The following DOCK10 variants were observed in gnomAD, a reference collection of about 807,000 sequenced individuals.
DOCK10 encodes the protein dedicator of cytokinesis protein 10.
DOCK10 carries 145 observed loss-of-function variants against 280.1 expected under a neutral mutation model. The observed-to-expected ratio is 0.52, with a 90% CI of 0.45 to 0.59. The LOEUF (loss-of-function observed/expected upper bound fraction) is 0.59. Ranked by LOEUF, DOCK10 falls within the 20% of genes least tolerant of loss-of-function variation. The probability of loss-of-function intolerance (pLI) is 0.00; values close to 1 mark genes in which losing one functional copy is unlikely to be tolerated. For synonymous variants in DOCK10, 915 were observed against 942.2 expected, an observed-to-expected ratio of 0.97 and a Z score of 0.53; for missense variants, 2,368 against 2,651.7, an observed-to-expected ratio of 0.89 and a Z score of 2.35.
chr2:224,811,037 C>T (rs1339833297), intron 31 of DOCK10, among the ~76,000 whole-genome samples: 6 of 152,076 alleles, frequency 3.9e-5, no homozygotes, highest in African/African-American at 1.4e-4. Context: ...ATTTCTAGTT[C>T]GAGATCCCTG....
At chr2:224,788,751 T>C (rs1481866239) in intron 48 of DOCK10, among the ~76,000 whole-genome samples, 2 of 152,228 alleles carry the variant, frequency 1.3e-5, no homozygotes, top group Admixed American at 6.5e-5. Context: ...CTAATGCTTT[T>C]AGAAAGAAAG....
At chr2:225,003,349 G>A (rs1706489446) in intron 1 of DOCK10, among the ~76,000 whole-genome samples, 1 of 152,138 alleles carries the variant, frequency 6.6e-6, no homozygotes, top group Admixed American at 6.5e-5. Context: ...TGGCTGGAAG[G>A]TTACATTTTT....
chr2:224,818,573 T>A (rs1156409750), intron 29 of DOCK10, among the ~76,000 whole-genome samples: 1 of 152,084 alleles, frequency 6.6e-6, no homozygotes, highest in Admixed American at 6.5e-5. Context: ...AATTTTTTTG[T>A]ATTTTTAGTA....
chr2:224,919,018 C>T (rs749275100), intron 2 of DOCK10, among the ~76,000 whole-genome samples: 86 of 117,222 alleles, frequency 7.3e-4, no homozygotes, highest in African/African-American at 2.5e-3. Flanking sequence ...GATGTATATA[C>T]GCACAGGGTG....
At chr2:225,040,606 T>C (rs1004697527) in intron 1 of DOCK10, among the ~76,000 whole-genome samples, 1 of 151,958 alleles carries the variant, frequency 6.6e-6, no homozygotes, top group African/African-American at 2.4e-5. Context: ...ACAAAAATTC[T>C]AGGAGGATCT....
intron 30 of DOCK10, among the ~76,000 whole-genome samples, chr2:224,815,852 A>G (rs1486427187): frequency 6.6e-6 from 1 of 152,148 alleles, no homozygotes; most frequent in Non-Finnish European, 1.5e-5. Context: ...CCTGGCCAAC[A>G]TGGTGAAACC....
chr2:224,918,602 C>A (rs200332388), intron 2 of DOCK10, among the ~76,000 whole-genome samples: 11 of 132,932 alleles, frequency 8.3e-5, no homozygotes, highest in Non-Finnish European at 1.8e-4. Context: ...GTGTGTGGTG[C>A]GTGTGTATGT....
At chr2:224,971,191 G>A (rs190524119) in intron 1 of DOCK10, among the ~76,000 whole-genome samples, 1 of 152,248 alleles carries the variant, frequency 6.6e-6, no homozygotes, top group East Asian at 1.9e-4. Context: ...CATTTGAGCA[G>A]AATAATGCCA....
chr2:224,854,831 A>G, intron 16 of DOCK10, 132 bp downstream of exon 16: 1 of 612,514 alleles, frequency 1.6e-6, no homozygotes, highest in South Asian at 2.1e-5. Context: ...AAAAAAACCC[A>G]AAACCTTGTA....
At chr2:224,855,663 T>A (rs1359768445) in intron 15 of DOCK10, among the ~76,000 whole-genome samples, 2 of 152,144 alleles carry the variant, frequency 1.3e-5, no homozygotes, top group African/African-American at 4.8e-5. Flanking sequence ...TATTAAAACC[T>A]CTCGCCAATC....
In DOCK10 at chr2:224,808,101, A is replaced by G. The variant is rs1390100136; in HGVS notation, c.3410-15T>C. ...TTCAGGCATATCTTTGTGAGGAAGGAAAATAACTCATGTTATTGAAAATCA... is the reference window on the plus strand; with the variant it reads ...TTCAGGCATATCTTTGTGAGGAAGGGAAATAACTCATGTTATTGAAAATCA... On this transcript the variant is annotated splice_polypyrimidine_tract_variant and intron_variant, in intron 31 of 55. Coordinates refer to ENST00000258390, the MANE Select transcript of DOCK10 (RefSeq NM_014689.3). 1 of 1,602,274 alleles carries G rather than the reference A, an allele frequency of 6.2e-7. No homozygotes were observed. The highest frequency in any genetic ancestry group is 2.2e-5 in the East Asian group (1 of 44,654).
At position 224,834,169 on chromosome 2, in the gene DOCK10, G is replaced by T; in HGVS notation, c.2945C>A (p.Thr982Lys). 1 of 1,609,996 alleles carries T rather than the reference G, an allele frequency of 6.2e-7. No individual in the cohort carries two copies. Among genetic ancestry groups the T allele is most frequent in the Non-Finnish European group, 8.5e-7 (1 of 1,176,300 alleles). Residue 982 changes from threonine to lysine, a missense_variant, in exon 26 of 56, where the codon ACA becomes AAA. Physicochemically the swap from Thr to Lys is moderately conservative, Grantham distance 78. Coordinates refer to ENST00000258390, the MANE Select transcript of DOCK10 (RefSeq NM_014689.3). ...TCTTACCTTTAGGACATGCTTTACT[G>T]TTGTTGAGTCATTTGATTTCAAAAG... ...TGLLKSNDST[T>K]VKHVLKHSWF... is the part of the protein sequence containing the mutation.
intron 47 of DOCK10, among the ~76,000 whole-genome samples, chr2:224,791,471 T>C (rs976846004): frequency 1.3e-5 from 2 of 150,892 alleles, no homozygotes; most frequent in Non-Finnish European, 3.0e-5. Context: ...CAAAAGTCTT[T>C]TTTTTTTTTT....
At chr2:224,944,362 C>G (rs16866389) in intron 1 of DOCK10, among the ~76,000 whole-genome samples, 3,971 of 152,238 alleles carry the variant, frequency 0.026, 162 homozygotes, top group African/African-American at 0.09. Flanking sequence ...GTCCCTTTTC[C>G]CTTGTCCTTG....
At chr2:224,797,703 A>G in intron 42 of DOCK10, 129 bp downstream of exon 42, 2 of 1,139,652 alleles carry the variant, frequency 1.8e-6, no homozygotes, top group South Asian at 3.5e-5. Flanking sequence ...AATGTCTAAT[A>G]AAACCCAAAT....
chr2:224,804,004 G>A, intron 39 of DOCK10, 108 bp downstream of exon 39: 1 of 354,744 alleles, frequency 2.8e-6, no homozygotes, highest in Non-Finnish European at 5.0e-6. Flanking sequence ...AGAAATATGT[G>A]TGTGTGTGTG....
At chr2:224,827,650 A>T (rs1000852037) in intron 27 of DOCK10, among the ~76,000 whole-genome samples, 5 of 152,220 alleles carry the variant, frequency 3.3e-5, no homozygotes, top group Non-Finnish European at 5.9e-5. Flanking sequence ...GAATTGCAAC[A>T]GTGAGGTTTC....
intron 1 of DOCK10, among the ~76,000 whole-genome samples, chr2:224,958,400 C>T (rs1704178719): frequency 6.6e-6 from 1 of 152,148 alleles, no homozygotes; most frequent in Non-Finnish European, 1.5e-5. Flanking sequence ...GAATAGGATG[C>T]TTCAGAAAGG....
intron 8 of DOCK10, 144 bp downstream of exon 8, chr2:224,875,894 G>A: frequency 1.4e-6 from 1 of 727,032 alleles, no homozygotes; most frequent in South Asian, 2.1e-5. Flanking sequence ...AAAGATTTAG[G>A]AGTGATTTAG....
Sources: gnomAD v4.1 joint callset for allele counts (sites outside exome capture counted in the v4.1 genomes callset) on GRCh38, gnomAD v4.1.1 for gene constraint, MANE v1.5 for transcripts, NCBI Gene and HGNC (gene_info 2026-07-23, HGNC 2026-07-21) for gene names.